ACACA: variants seen among roughly 807,000 people sequenced by gnomAD.
ACACA encodes acetyl-CoA carboxylase alpha, also known as acetyl-CoA carboxylase 1.
ACACA carries 103 observed loss-of-function variants against 296.1 expected under a neutral mutation model. The ratio of observed to expected loss-of-function variants is 0.35; its 90% CI spans 0.30 to 0.41. ACACA has a LOEUF of 0.41. ACACA is among the 10% of genes least tolerant of loss of function. ACACA has a pLI of 1.00. For missense variants in ACACA, 1,554 were observed against 2,989.7 expected, an observed-to-expected ratio of 0.52 and a Z score of 11.20; for synonymous variants, 953 against 1,038.6, an observed-to-expected ratio of 0.92 and a Z score of 1.58.
chr17:37,144,357 G>A (rs569889929), intron 45 of ACACA: 5 of 482,294 alleles, frequency 1.0e-5, no homozygotes, highest in African/African-American at 5.9e-5. Flanking sequence ...CGCTTGCCCC[G>A]GCGCTGTCTC....
chr17:37,399,119 A>G (rs2051196787), intron 1 of ACACA, among the ~76,000 whole-genome samples: 1 of 151,362 alleles, frequency 6.6e-6, no homozygotes, highest in Non-Finnish European at 1.5e-5. Context: ...AGTTGGGATT[A>G]TAAGCATGCA....
At chr17:37,243,912 C>T (rs535606762) in intron 21 of ACACA, among the ~76,000 whole-genome samples, 1 of 152,264 alleles carries the variant, frequency 6.6e-6, no homozygotes, top group East Asian at 1.9e-4. Flanking sequence ...TGGGGTCTTG[C>T]TATGTTGATC....
intron 52 of ACACA, among the ~76,000 whole-genome samples, chr17:37,107,477 T>G (rs544602169): frequency 1.3e-5 from 2 of 152,344 alleles, no homozygotes; most frequent in East Asian, 3.9e-4. Context: ...TATCCTCACC[T>G]GCCACCACAA....
chr17:37,316,045 C>T (rs534209932), intron 3 of ACACA, among the ~76,000 whole-genome samples: 304 of 152,144 alleles, frequency 2.0e-3, no homozygotes, highest in Non-Finnish European at 3.1e-3. Flanking sequence ...AGATACTTAC[C>T]GGTCAAGAAA....
intron 1 of ACACA, among the ~76,000 whole-genome samples, chr17:37,353,416 G>A (rs969474255): frequency 9.9e-5 from 15 of 151,966 alleles, no homozygotes; most frequent in African/African-American, 3.1e-4. Flanking sequence ...CAAGGCTGGC[G>A]GATCACTTGA....
chr17:37,243,587 A>T (rs2080529058), intron 21 of ACACA, 28 bp from the exon 22 acceptor site: 3 of 1,602,866 alleles, frequency 1.9e-6, no homozygotes, highest in African/African-American at 2.7e-5. Flanking sequence ...GTAAAATAGG[A>T]CCCAAGTTAA....
At chr17:37,193,449 G>C in intron 35 of ACACA, 34 bp from the exon 36 acceptor site, 2 of 1,508,896 alleles carry the variant, frequency 1.3e-6, no homozygotes, top group Non-Finnish European at 1.8e-6. Flanking sequence ...TGTGTCAGTA[G>C]TTCATAGACA....
chr17:37,130,105 A>C lies in ACACA; in HGVS notation c.5793T>G (p.Thr1931=). Residue 1931 remains threonine (T), a synonymous_variant, in exon 46 of 56, where the codon ACT becomes ACG. Transcript: ENST00000616317. ...TVCDDFEGVF[T]VLHWLSYMPK... ...GCATGTAAGACAGCCAGTGCAGGAC[A>C]GTGAAAACCCCTTCAAAGTCATCAC... 1.2e-6 allele frequency: 2 copies of C among 1,614,208 alleles called. No homozygotes were observed. The highest frequency in any genetic ancestry group is 1.7e-6 in the Non-Finnish European group (2 of 1,180,018).
At chr17:37,122,938 C>T (rs1490056733) in intron 48 of ACACA, 1 of 467,256 alleles carries the variant, frequency 2.1e-6, no homozygotes, top group East Asian at 4.4e-5. Context: ...TATACACATC[C>T]CTACCCCTGT....
chr17:37,230,387 AAAATAAATAAATAAATAAAT>A (rs200006134), intron 25 of ACACA, among the ~76,000 whole-genome samples: 26 of 144,320 alleles, frequency 1.8e-4, no homozygotes, highest in African/African-American at 2.3e-4. Context: ...TCCATCTCAA[AAAATAAATAAATAAATAAAT>A]AAATAAATAA....
intron 48 of ACACA, 51 bp from the exon 49 acceptor site, chr17:37,122,678 T>G: frequency 2.0e-6 from 3 of 1,480,816 alleles, no homozygotes; most frequent in Non-Finnish European, 2.8e-6. Flanking sequence ...ACATTATAGC[T>G]AGCCATTTGT....
At chr17:37,289,493 G>A (rs1274686530) in intron 3 of ACACA, 3 of 1,351,724 alleles carry the variant, frequency 2.2e-6, no homozygotes, top group African/African-American at 1.5e-5. Context: ...AACCCTCTAG[G>A]CACCTCCACT....
At position 37,127,842 on chromosome 17, in the gene ACACA, C is replaced by T. The variant is rs547196660; in HGVS notation, c.5944+1523G>A. Among the ~76,000 whole-genome samples the T allele has an allele frequency of 7.2e-4, 32 of 44,454 alleles. 2 individuals carry two copies. In the South Asian group the frequency reaches 0.02, roughly 28 times the overall value. 29.2% of individuals were successfully genotyped at this position (44,454 alleles called of 152,430 possible). ...CTGGCGACAGAGTGAGACTCCGCCT[C>T]AAAAAAAAAAAAAAGAAAAAGAAAA... On this transcript the variant is annotated intron_variant, in intron 47 of 55. Transcript: ENST00000616317.
chr17:37,330,320 T>A lies in ACACA; in HGVS notation c.191A>T (p.Asp64Val). ...GTTGCTGATCTCATCCTCTGAGTTA[T>A]CTTCAGACACAGAACCTATTATGAA... ...SRFIIGSVSE[D>V]NSEDEISNLV... is the part of the protein sequence containing the mutation. The change falls in exon 3 of 56, where the codon GAT becomes GTT. Residue 64 changes from aspartate to valine, a missense_variant. This residue lies in a region of ACACA where 140 missense variants were observed against 147.7 expected (regional missense o/e 0.95). Coordinates refer to ENST00000616317, the MANE Select transcript of ACACA (RefSeq NM_198834.3). 1.2e-6 allele frequency: 2 copies of A among 1,614,226 alleles called. No individual in the cohort carries two copies. Among genetic ancestry groups the A allele is most frequent in the Non-Finnish European group, 1.7e-6 (2 of 1,180,038 alleles).
intron 16 of ACACA, 125 bp from the exon 17 acceptor site, chr17:37,248,799 G>T: frequency 1.5e-6 from 1 of 674,290 alleles, no homozygotes; most frequent in Non-Finnish European, 2.7e-6. Context: ...ATACCTAAAT[G>T]ATCGTTTGTA....
chr17:37,404,260 C>T (rs1442220516), intron 1 of ACACA, among the ~76,000 whole-genome samples: 1 of 152,174 alleles, frequency 6.6e-6, no homozygotes, highest in Non-Finnish European at 1.5e-5. Context: ...AAATGACTGA[C>T]CCCACTTCCA....
At chr17:37,212,372 T>C (rs1469745218) in intron 29 of ACACA, among the ~76,000 whole-genome samples, 1 of 152,200 alleles carries the variant, frequency 6.6e-6, no homozygotes, top group Non-Finnish European at 1.5e-5. Context: ...ACTCTCAAGC[T>C]CCTATAGAGA....
intron 54 of ACACA, among the ~76,000 whole-genome samples, chr17:37,096,471 C>T (rs1422856463): frequency 6.6e-6 from 1 of 152,134 alleles, no homozygotes. Flanking sequence ...CAAATCCAGC[C>T]TTTTCTTCTG....
intron 45 of ACACA, among the ~76,000 whole-genome samples, chr17:37,149,208 T>C (rs955858335): frequency 5.9e-5 from 9 of 152,212 alleles, no homozygotes; most frequent in African/African-American, 2.2e-4. Flanking sequence ...GAAGGGAAGA[T>C]AAATCTTTAT....
Sources: allele counts gnomAD v4.1 joint callset (sites outside exome capture counted in the v4.1 genomes callset), GRCh38; gene constraint gnomAD v4.1.1; regional missense constraint gnomAD v4.1.1; transcripts MANE v1.5; gene names NCBI Gene and HGNC (gene_info 2026-07-23, HGNC 2026-07-21).